Variants in SGMS1 observed in about 807,000 individuals in gnomAD.
SGMS1 encodes phosphatidylcholine:ceramide cholinephosphotransferase 1.
In SGMS1, 13 loss-of-function variants were observed where a neutral mutation model predicts 46.2. The ratio of observed to expected loss-of-function variants is 0.28; its 90% CI spans 0.18 to 0.45. The LOEUF is 0.45. Ranked by LOEUF, SGMS1 falls within the 20% of genes least tolerant of loss-of-function variation. The probability of loss-of-function intolerance (pLI) is 1.00; values close to 1 mark genes in which losing one functional copy is unlikely to be tolerated. For missense variants in SGMS1, 324 were observed against 519.9 expected (o/e 0.62, Z 3.66); for synonymous variants, 203 against 187.8 (o/e 1.08, Z -0.66).
At chr10:50,504,700 A>AT (rs1004121414) in intron 3 of SGMS1, among the ~76,000 whole-genome samples, 71 of 150,208 alleles carry the variant, frequency 4.7e-4, no homozygotes, top group African/African-American at 1.5e-3. Context: ...AATCCTGTTC[A>AT]TTTTTTTTTT....
chr10:50,549,679 C>T (rs1294891968), intron 2 of SGMS1, among the ~76,000 whole-genome samples: 2 of 152,296 alleles, frequency 1.3e-5, no homozygotes, highest in South Asian at 2.1e-4. Context: ...ACATCCTGCA[C>T]ATCTATCCCT....
intron 2 of SGMS1, among the ~76,000 whole-genome samples, chr10:50,554,565 T>G (rs1442909345): frequency 1.3e-5 from 2 of 152,230 alleles, no homozygotes; most frequent in African/African-American, 2.4e-5. Context: ...CCAAGCCAGC[T>G]GCTGCTAGAG....
intron 2 of SGMS1, among the ~76,000 whole-genome samples, chr10:50,559,437 C>T (rs1369539442): frequency 6.6e-6 from 1 of 152,186 alleles, no homozygotes; most frequent in Non-Finnish European, 1.5e-5. Context: ...GATACTCATG[C>T]TGCTTTGGAA....
intron 3 of SGMS1, among the ~76,000 whole-genome samples, chr10:50,506,419 C>T (rs147378503): frequency 2.2e-4 from 33 of 152,224 alleles, no homozygotes; most frequent in African/African-American, 7.0e-4. Context: ...AGAAAATTTA[C>T]AGTTGCATTT....
chr10:50,588,626 A>G (rs1197697621), intron 2 of SGMS1, among the ~76,000 whole-genome samples: 1 of 152,070 alleles, frequency 6.6e-6, no homozygotes, highest in African/African-American at 2.4e-5. Context: ...TCAACTTCAC[A>G]GTACCAGTCA....
chr10:50,493,301 T>C (rs566370465), intron 3 of SGMS1, among the ~76,000 whole-genome samples: 2 of 152,080 alleles, frequency 1.3e-5, no homozygotes, highest in African/African-American at 2.4e-5. Flanking sequence ...CCTTACGCCA[T>C]ATACAAAAAT....
intron 6 of SGMS1, among the ~76,000 whole-genome samples, chr10:50,354,522 C>T (rs1239530410): frequency 5.9e-5 from 9 of 152,224 alleles, no homozygotes; most frequent in South Asian, 4.1e-4. Context: ...ATTCAGGACA[C>T]AGGCATGGGC....
intron 6 of SGMS1, among the ~76,000 whole-genome samples, chr10:50,400,093 T>C (rs991268526): frequency 1.3e-5 from 2 of 151,344 alleles, no homozygotes; most frequent in African/African-American, 4.9e-5. Context: ...CTAGGAATGG[T>C]TTTCACTGGT....
intron 8 of SGMS1, among the ~76,000 whole-genome samples, chr10:50,322,657 C>A (rs1057276134): frequency 1.3e-5 from 2 of 150,864 alleles, no homozygotes; most frequent in African/African-American, 2.4e-5. Flanking sequence ...AAGGTGAAAC[C>A]CCGTCTCTAC....
intron 3 of SGMS1, among the ~76,000 whole-genome samples, chr10:50,471,235 A>C (rs568434278): frequency 6.6e-6 from 1 of 152,318 alleles, no homozygotes; most frequent in Admixed American, 6.5e-5. Context: ...GCCTTTGCTT[A>C]ATGCTGCAGA....
Position 50,329,740 on chromosome 10 carries a change from C to T in SGMS1, c.624-2418G>A, listed in dbSNP as rs993546736. On this transcript the variant is annotated intron_variant, in intron 7 of 10. Transcript: ENST00000361781. ...AAGCAGATGCCAACAAGAAGATGTACAGTACAATTTTCAAAATCACAACGG... is the reference window on the plus strand; with the variant it reads ...AAGCAGATGCCAACAAGAAGATGTATAGTACAATTTTCAAAATCACAACGG... 6.6e-5 allele frequency among the ~76,000 whole-genome samples: 10 copies of T among 152,308 alleles called. No individual in the cohort carries two copies. In the South Asian group the frequency reaches 1.0e-3, roughly 16 times the overall value.
intron 3 of SGMS1, among the ~76,000 whole-genome samples, chr10:50,468,963 A>ATG (rs1367573858): frequency 2.0e-5 from 3 of 152,114 alleles, no homozygotes; most frequent in Non-Finnish European, 4.4e-5. Context: ...CAAGAACCCT[A>ATG]TGTGTGTGTG....
chr10:50,455,864 C>G (rs1156490861), intron 5 of SGMS1, among the ~76,000 whole-genome samples: 2 of 152,192 alleles, frequency 1.3e-5, no homozygotes, highest in Admixed American at 1.3e-4. Context: ...CCTTCCACCA[C>G]TCACTGCTCT....
intron 6 of SGMS1, among the ~76,000 whole-genome samples, chr10:50,411,094 C>T (rs1849092157): frequency 6.6e-6 from 1 of 152,080 alleles, no homozygotes; most frequent in Admixed American, 6.5e-5. Flanking sequence ...TCATGTATGG[C>T]ATATACACCA....
chr10:50,448,639 G>C (rs1837056691), intron 5 of SGMS1, among the ~76,000 whole-genome samples: 1 of 151,484 alleles, frequency 6.6e-6, no homozygotes, highest in Non-Finnish European at 1.5e-5. Context: ...AGCTACTCAG[G>C]AGGCTGAGGC....
intron 9 of SGMS1, among the ~76,000 whole-genome samples, 169 bp downstream of exon 9, chr10:50,311,093 C>T (rs1023605880): frequency 4.6e-5 from 7 of 152,176 alleles, no homozygotes; most frequent in Non-Finnish European, 1.0e-4. Context: ...TCTGTCCTTC[C>T]ACATATTTCC....
intron 6 of SGMS1, among the ~76,000 whole-genome samples, chr10:50,386,863 A>C (rs1270464665): frequency 6.6e-6 from 1 of 152,196 alleles, no homozygotes; most frequent in Non-Finnish European, 1.5e-5. Flanking sequence ...CTGAAAGCCT[A>C]CTATGACCCG....
intron 2 of SGMS1, among the ~76,000 whole-genome samples, chr10:50,552,783 G>A (rs1361042269): frequency 6.6e-6 from 1 of 152,106 alleles, no homozygotes; most frequent in Non-Finnish European, 1.5e-5. Context: ...TAATGACCTT[G>A]AGATGGGGGG....
intron 8 of SGMS1, among the ~76,000 whole-genome samples, chr10:50,312,057 A>G (rs1366197538): frequency 6.6e-6 from 1 of 152,220 alleles, no homozygotes; most frequent in Admixed American, 6.5e-5. Context: ...TAGCTTGAAC[A>G]ACTCATTCAT....
Sources: allele counts gnomAD v4.1 joint callset (sites outside exome capture counted in the v4.1 genomes callset), GRCh38; gene constraint gnomAD v4.1.1; transcripts MANE v1.5; gene names NCBI Gene and HGNC (gene_info 2026-07-23, HGNC 2026-07-21).